Variants in GPNMB observed in about 807,000 individuals in gnomAD.
GPNMB encodes the protein transmembrane glycoprotein NMB.
In GPNMB, 71 loss-of-function variants were observed where a neutral mutation model predicts 57.3. The ratio of observed to expected loss-of-function variants is 1.24; its 90% CI spans 1.02 to 1.51. The LOEUF (loss-of-function observed/expected upper bound fraction) is 1.51, where lower values mean the gene tolerates loss of function less well. Among genes scored for constraint, GPNMB ranks in the 40% most tolerant of loss-of-function variants. GPNMB has a pLI of 0.00. For missense variants in GPNMB, 677 were observed against 691.9 expected (o/e 0.98, Z 0.24); for synonymous variants, 253 against 263.2 (o/e 0.96, Z 0.38).
rs993505559 is a variant in GPNMB, at chr7:23,274,399, C to G, written c.*175C>G. ...AGAGATGGGGAGAGGGATTATACTG[C>G]AGGCAGCTTCAGCCATGTTGTGAAA... On this transcript the variant is annotated 3_prime_UTR_variant, in exon 11 of 11. Coordinates refer to ENST00000258733, the MANE Select transcript of GPNMB (RefSeq NM_002510.3). 3.8e-6 allele frequency: 2 copies of G among 526,870 alleles called. No homozygotes were observed. Among genetic ancestry groups the G allele is most frequent in the Non-Finnish European group, 6.7e-6 (2 of 300,658 alleles). 32.6% of individuals were successfully genotyped at this position (526,870 alleles called of 1,614,324 possible).
At position 23,256,882 on chromosome 7, in the gene GPNMB, C is replaced by G. The variant is rs915136487; in HGVS notation, c.368-10C>G. The G allele has an allele frequency of 5.8e-5, 93 of 1,611,560 alleles. No individual in the cohort carries two copies. The highest frequency in any genetic ancestry group is 7.6e-5 in the Non-Finnish European group (89 of 1,177,880). On this transcript the variant is annotated splice_polypyrimidine_tract_variant and intron_variant, in intron 3 of 10. Coordinates refer to ENST00000258733, the MANE Select transcript of GPNMB (RefSeq NM_002510.3). Reference sequence around the variant, plus strand: ...GATAACACTCATGGCTGGTTTCTATCTCTGTTTAGAGGCTGGTTTATCTGC... The same window carrying G: ...GATAACACTCATGGCTGGTTTCTATGTCTGTTTAGAGGCTGGTTTATCTGC...
At position 23,260,533 on chromosome 7, in the gene GPNMB, C is replaced by G. The variant is rs779233817; in HGVS notation, c.778C>G (p.Pro260Ala). 1 of 1,613,172 alleles carries G rather than the reference C, an allele frequency of 6.2e-7. No homozygotes were observed. Among genetic ancestry groups the G allele is most frequent in the Non-Finnish European group, 8.5e-7 (1 of 1,179,338 alleles). The change falls in exon 6 of 11, where the codon CCC (proline) becomes GCC (alanine). Residue 260 changes from proline to alanine, a missense_variant. Pro to Ala is a conservative substitution (Grantham distance 27). Coordinates refer to ENST00000258733, the MANE Select transcript of GPNMB (RefSeq NM_002510.3). ...CGACGAAACCTTCCTCAAAGATCTCCCCATTATGTTTGATGTCCTGATTCA... is the reference window on the plus strand; with the variant it reads ...CGACGAAACCTTCCTCAAAGATCTCGCCATTATGTTTGATGTCCTGATTCA... ...SSDETFLKDL[P>A]IMFDVLIHDP...
intron 6 of GPNMB, among the ~76,000 whole-genome samples, chr7:23,265,859 C>T (rs1272632115): frequency 2.0e-5 from 3 of 149,974 alleles, no homozygotes; most frequent in African/African-American, 7.4e-5. Context: ...GAATTTGAGC[C>T]CAGAATACCT....
intron 7 of GPNMB, 124 bp from the exon 8 acceptor site, chr7:23,267,762 T>G: frequency 1.4e-6 from 1 of 731,774 alleles, no homozygotes; most frequent in East Asian, 2.5e-5. Flanking sequence ...GCTATCACCT[T>G]GGGGGTTTCA....
At chr7:23,252,276 C>G (rs1782677423) in intron 1 of GPNMB, among the ~76,000 whole-genome samples, 1 of 152,188 alleles carries the variant, frequency 6.6e-6, no homozygotes, top group Admixed American at 6.5e-5. Flanking sequence ...TATCTAAACC[C>G]TGCAACTAAA....
chr7:23,251,658 A>G (rs576251927), intron 1 of GPNMB, among the ~76,000 whole-genome samples: 1 of 152,196 alleles, frequency 6.6e-6, no homozygotes, highest in African/African-American at 2.4e-5. Flanking sequence ...TGGGCATCAC[A>G]TCATTACACT....
intron 4 of GPNMB, 21 bp downstream of exon 4, chr7:23,257,086 A>T (rs761151925): frequency 6.9e-6 from 11 of 1,598,926 alleles, no homozygotes; most frequent in Non-Finnish European, 9.4e-6. Context: ...ACAAACCCCT[A>T]AGCTTCTTCT....
intron 6 of GPNMB, among the ~76,000 whole-genome samples, chr7:23,263,405 A>G (rs1782976933): frequency 6.6e-6 from 1 of 152,062 alleles, no homozygotes; most frequent in African/African-American, 2.4e-5. Flanking sequence ...TGAGGTCAGG[A>G]GTTCGAGACC....
At chr7:23,256,492 C>T (rs939819874) in intron 3 of GPNMB, among the ~76,000 whole-genome samples, 1 of 151,806 alleles carries the variant, frequency 6.6e-6, no homozygotes, top group South Asian at 2.1e-4. Context: ...ACATGTGTGC[C>T]GGAGTCTTTA....
chr7:23,271,892 CA>C (rs1783216560), intron 9 of GPNMB, among the ~76,000 whole-genome samples: 1 of 152,082 alleles, frequency 6.6e-6, no homozygotes, highest in Non-Finnish European at 1.5e-5. Flanking sequence ...GATTTAATCC[CA>C]TTAAAAGAAA....
intron 9 of GPNMB, among the ~76,000 whole-genome samples, chr7:23,271,372 GAGTATTGTC>G (rs771845433): frequency 1.3e-5 from 2 of 152,204 alleles, no homozygotes; most frequent in Non-Finnish European, 2.9e-5. Flanking sequence ...TCCTTAATTG[GAGTATTGTC>G]AGGTACAATC....
chr7:23,260,583 T>G lies in GPNMB; in HGVS notation c.828T>G (p.Tyr276Ter), dbSNP rs1038353642. 39 of 1,614,028 alleles carry G rather than the reference T, an allele frequency of 2.4e-5. No homozygotes were observed. Among genetic ancestry groups the G allele is most frequent in the Non-Finnish European group, 2.6e-5 (31 of 1,179,880 alleles). The change falls in exon 6 of 11, where the codon TAT becomes TAG. Residue 276 changes from tyrosine to a stop codon, truncating the protein, a stop_gained. Coordinates refer to ENST00000258733, the MANE Select transcript of GPNMB (RefSeq NM_002510.3). LOFTEE classifies it high-confidence loss of function. ...ATGATCCTAGCCACTTCCTCAATTA[T>G]TCTACCATTAACTACAAGTGGAGCT... ...LIHDPSHFLN[Y>*]STINYKWSFG...
chr7:23,260,460 G>C lies in GPNMB; in HGVS notation c.705G>C (p.Gln235His). The change falls in exon 6 of 11, where the codon CAG (glutamine) becomes CAC (histidine). Residue 235 changes from glutamine to histidine, a missense_variant. By Grantham distance (24) the Gln-to-His change is conservative. Coordinates refer to ENST00000258733, the MANE Select transcript of GPNMB (RefSeq NM_002510.3). ...QVKDVYVVTD[Q>H]IPVFVTMFQK... Reference sequence around the variant, plus strand: ...TTTGGGGGATGTATCTTTTAGATCAGATTCCTGTGTTTGTGACTATGTTCC... The same window carrying C: ...TTTGGGGGATGTATCTTTTAGATCACATTCCTGTGTTTGTGACTATGTTCC... 6.2e-7 allele frequency: 1 copy of C among 1,608,524 alleles called. No individual in the cohort carries two copies. Among genetic ancestry groups the C allele is most frequent in the South Asian group, 1.1e-5 (1 of 90,476 alleles).
chr7:23,266,354 A>C, intron 6 of GPNMB, 163 bp from the exon 7 acceptor site: 1 of 646,660 alleles, frequency 1.5e-6, no homozygotes, highest in South Asian at 2.0e-5. Context: ...ATCTGTGTAA[A>C]TTATGACACA....
At chr7:23,252,552 A>G (rs1782684954) in intron 1 of GPNMB, among the ~76,000 whole-genome samples, 1 of 152,264 alleles carries the variant, frequency 6.6e-6, no homozygotes, top group Admixed American at 6.5e-5. Flanking sequence ...CAGTTCATCA[A>G]GAAGCTGTAA....
intron 8 of GPNMB, 65 bp downstream of exon 8, chr7:23,268,053 G>A (rs1783113231): frequency 2.1e-6 from 2 of 941,238 alleles, no homozygotes; most frequent in Non-Finnish European, 3.5e-6. Flanking sequence ...CTGAACAAAG[G>A]CATTGACCAC....
chr7:23,257,081 C>T lies in GPNMB; in HGVS notation c.541+16C>T, dbSNP rs773690328. The T allele has an allele frequency of 1.2e-6, 2 of 1,604,326 alleles. No homozygotes were observed. The highest frequency in any genetic ancestry group is 1.7e-5 in the Admixed American group (1 of 59,998). ...CACACACTTGGTTGGCTTTTACAAA[C>T]CCCTAAGCTTCTTCTTTACCTTTCC... On this transcript the variant is annotated intron_variant, in intron 4 of 10. Transcript: ENST00000258733.
At chr7:23,258,474 G>A (rs893470932) in intron 4 of GPNMB, among the ~76,000 whole-genome samples, 1 of 152,158 alleles carries the variant, frequency 6.6e-6, no homozygotes, top group African/African-American at 2.4e-5. Context: ...TCACTCTCAT[G>A]ACAGAATTCT....
intron 4 of GPNMB, among the ~76,000 whole-genome samples, chr7:23,258,655 G>T (rs1462204727): frequency 7.9e-5 from 12 of 151,934 alleles, no homozygotes; most frequent in Non-Finnish European, 1.6e-4. Flanking sequence ...TTCCACTGAG[G>T]TCTCAGAGTT....
Sources: gnomAD v4.1 joint callset for allele counts (sites outside exome capture counted in the v4.1 genomes callset) on GRCh38, gnomAD v4.1.1 for gene constraint, MANE v1.5 for transcripts, NCBI Gene and HGNC (gene_info 2026-07-23, HGNC 2026-07-21) for gene names.